EXOC4: variants seen among roughly 807,000 people sequenced by gnomAD.
EXOC4 encodes exocyst complex component 4.
Under a neutral mutation model 107.2 loss-of-function variants are expected in EXOC4, and 71 were observed. The ratio of observed to expected loss-of-function variants is 0.66; its 90% CI spans 0.55 to 0.81. The LOEUF is 0.81. Among genes scored for constraint, EXOC4 ranks in the 30% least tolerant of loss-of-function variants. The probability of loss-of-function intolerance (pLI) is 0.00; values close to 1 mark genes in which losing one functional copy is unlikely to be tolerated. For synonymous variants in EXOC4, 456 were observed against 441.2 expected (o/e 1.03, Z -0.42); for missense variants, 1,108 against 1,189.6 (o/e 0.93, Z 1.01).
At chr7:133,292,358 T>A (rs1794427279) in intron 3 of EXOC4, among the ~76,000 whole-genome samples, 1 of 152,210 alleles carries the variant, frequency 6.6e-6, no homozygotes, top group East Asian at 1.9e-4. Context: ...TTTATTAAAA[T>A]CTTCATTTGT....
At chr7:133,323,879 C>T (rs1193064793) in intron 5 of EXOC4, among the ~76,000 whole-genome samples, 2 of 152,146 alleles carry the variant, frequency 1.3e-5, no homozygotes, top group Non-Finnish European at 1.5e-5. Context: ...ATTATTGCCT[C>T]AATTTCAGAG....
intron 3 of EXOC4, among the ~76,000 whole-genome samples, chr7:133,299,901 G>A (rs1360963941): frequency 6.6e-6 from 1 of 152,078 alleles, no homozygotes; most frequent in African/African-American, 2.4e-5. Flanking sequence ...GCACCAACAA[G>A]CACTGATATC....
At chr7:133,557,223 C>T (rs1460289666) in intron 9 of EXOC4, among the ~76,000 whole-genome samples, 1 of 152,082 alleles carries the variant, frequency 6.6e-6, no homozygotes, top group African/African-American at 2.4e-5. Context: ...CAAATACCAC[C>T]CTGGTTTCTC....
In EXOC4 at chr7:133,606,837, T is replaced by C. The variant is rs145319821; in HGVS notation, c.1418-23208T>C. On this transcript the variant is annotated intron_variant, in intron 9 of 17. Coordinates refer to ENST00000253861, the MANE Select transcript of EXOC4 (RefSeq NM_021807.4). Reference sequence around the variant, plus strand: ...GGCCCTTTGCTACTGTTTTAAATGGTGGCTCGTCTCCAGCACATTGGTGTG... The same window carrying C: ...GGCCCTTTGCTACTGTTTTAAATGGCGGCTCGTCTCCAGCACATTGGTGTG... Among the ~76,000 whole-genome samples the C allele has an allele frequency of 4.4e-3, 668 of 152,228 alleles. 4 individuals are homozygous for C. Among genetic ancestry groups the C allele is most frequent in the African/African-American group, 0.015 (641 of 41,544 alleles).
intron 12 of EXOC4, among the ~76,000 whole-genome samples, chr7:133,908,714 A>G (rs1799622989): frequency 1.3e-5 from 2 of 152,232 alleles, no homozygotes; most frequent in Admixed American, 6.5e-5. Flanking sequence ...GGAAAAGGTT[A>G]AATTGTCAGC....
chr7:133,362,804 C>T (rs1286710020), intron 6 of EXOC4, among the ~76,000 whole-genome samples: 3 of 152,124 alleles, frequency 2.0e-5, no homozygotes, highest in Non-Finnish European at 2.9e-5. Context: ...GTTTCTATTT[C>T]ACATAAATAG....
At chr7:133,377,630 A>G (rs888439872) in intron 7 of EXOC4, among the ~76,000 whole-genome samples, 3 of 152,204 alleles carry the variant, frequency 2.0e-5, no homozygotes, top group Non-Finnish European at 4.4e-5. Context: ...ATGGTGACCA[A>G]AAAGTTTTGA....
chr7:133,711,438 G>A (rs755462963), intron 10 of EXOC4, among the ~76,000 whole-genome samples: 3 of 152,136 alleles, frequency 2.0e-5, no homozygotes, highest in East Asian at 1.9e-4. Context: ...AAATACACAC[G>A]ATCACTTTTG....
At chr7:133,254,639 T>C (rs1157980851) in intron 1 of EXOC4, among the ~76,000 whole-genome samples, 2 of 152,232 alleles carry the variant, frequency 1.3e-5, no homozygotes, top group African/African-American at 4.8e-5. Context: ...ATTTGTTGAC[T>C]TAATGAGTAA....
intron 3 of EXOC4, among the ~76,000 whole-genome samples, chr7:133,304,657 T>C (rs1389619582): frequency 6.6e-6 from 1 of 152,230 alleles, no homozygotes; most frequent in Non-Finnish European, 1.5e-5. Context: ...CCTAGATGAC[T>C]CCTTAGACTG....
intron 17 of EXOC4, among the ~76,000 whole-genome samples, chr7:134,047,637 G>C (rs1795687680): frequency 6.6e-6 from 1 of 152,182 alleles, no homozygotes; most frequent in Non-Finnish European, 1.5e-5. Flanking sequence ...AGTAGAATCA[G>C]AGCTTGAGCT....
chr7:133,483,956 T>G lies in EXOC4; in HGVS notation c.1417+3818T>G. The G allele has an allele frequency of 4.2e-6, 6 of 1,426,168 alleles. No individual in the cohort carries two copies. In the South Asian group the frequency reaches 6.9e-5, roughly 16 times the overall value. The allele number at this position is 1,426,168 out of a possible 1,614,324, so 88.3% of individuals were successfully genotyped here. A position where few individuals can be genotyped will look rare whatever the true frequency, so the allele number is the denominator to read the frequency against. Reference sequence around the variant, plus strand: ...CCGTAAGAGACTAAGGGAAGATTTTTGTTTCTTCTGTTAACACCATATAGC... The same window carrying G: ...CCGTAAGAGACTAAGGGAAGATTTTGGTTTCTTCTGTTAACACCATATAGC... On this transcript the variant is annotated intron_variant, in intron 9 of 17. Coordinates refer to ENST00000253861, the MANE Select transcript of EXOC4 (RefSeq NM_021807.4).
At position 133,523,118 on chromosome 7, in the gene EXOC4, A is replaced by G. The variant is rs192636626; in HGVS notation, c.1417+42980A>G. On this transcript the variant is annotated intron_variant, in intron 9 of 17. Transcript: ENST00000253861. Reference sequence around the variant, plus strand: ...TCTAGCTAATGGGTCTGATGTGCCCACAGCTTCATATTGCTTGAGACTGCC... The same window carrying G: ...TCTAGCTAATGGGTCTGATGTGCCCGCAGCTTCATATTGCTTGAGACTGCC... Among the ~76,000 whole-genome samples, 1,022 of 152,276 alleles carry G rather than the reference A, an allele frequency of 6.7e-3. 11 individuals are homozygous for G. Among genetic ancestry groups the G allele is most frequent in the African/African-American group, 0.023 (962 of 41,556 alleles).
intron 4 of EXOC4, among the ~76,000 whole-genome samples, chr7:133,314,190 G>A (rs1258457924): frequency 6.6e-6 from 1 of 152,002 alleles, no homozygotes; most frequent in African/African-American, 2.4e-5. Flanking sequence ...GGAAACTGAG[G>A]TCCATATTAC....
At chr7:133,687,227 T>C (rs1474625448) in intron 10 of EXOC4, among the ~76,000 whole-genome samples, 2 of 151,882 alleles carry the variant, frequency 1.3e-5, no homozygotes, top group East Asian at 3.9e-4. Context: ...GGCATAAGAA[T>C]GATACAGTGG....
At chr7:133,899,745 C>CTTTTT (rs35095963) in intron 12 of EXOC4, among the ~76,000 whole-genome samples, 5 of 86,230 alleles carry the variant, frequency 5.8e-5, no homozygotes, top group African/African-American at 1.1e-4. Context: ...CAGATGTACT[C>CTTTTT]TTTTTTTTTT....
At chr7:133,341,840 A>G (rs954266765) in intron 5 of EXOC4, among the ~76,000 whole-genome samples, 3 of 152,180 alleles carry the variant, frequency 2.0e-5, no homozygotes, top group African/African-American at 7.2e-5. Context: ...TGTCTGATAT[A>G]GAAATAGCTA....
intron 1 of EXOC4, among the ~76,000 whole-genome samples, chr7:133,266,106 A>G (rs1434868706): frequency 1.3e-5 from 2 of 152,230 alleles, no homozygotes; most frequent in Non-Finnish European, 2.9e-5. Context: ...GGAGGCTACA[A>G]GTTCAAGATC....
rs540241551 is a variant in EXOC4, at chr7:133,839,268, A to G, written c.1734+21724A>G. On this transcript the variant is annotated intron_variant, in intron 11 of 17. Transcript: ENST00000253861. ...TCCCCGAACTCTGACTTTTTCCTGC[A>G]TATGTGCATTTCTTTTATCCCATCC... 3.9e-5 allele frequency among the ~76,000 whole-genome samples: 6 copies of G among 152,268 alleles called. No individual in the cohort carries two copies. The East Asian group carries it at 9.7e-4, about 25-fold the overall frequency.
Sources: allele counts gnomAD v4.1 joint callset (sites outside exome capture counted in the v4.1 genomes callset), GRCh38; gene constraint gnomAD v4.1.1; transcripts MANE v1.5; gene names NCBI Gene and HGNC (gene_info 2026-07-23, HGNC 2026-07-21).